MCRS1: variants seen among roughly 807,000 people sequenced by gnomAD.
MCRS1 encodes the protein 58 kDa microspherule protein.
In MCRS1, 22 loss-of-function variants were observed where a neutral mutation model predicts 62.9. The ratio of observed to expected loss-of-function variants is 0.35; its 90% CI spans 0.25 to 0.50. The LOEUF is 0.50. Ranked by LOEUF, MCRS1 falls within the 20% of genes least tolerant of loss-of-function variation. The pLI is 0.98. For missense variants in MCRS1, 456 were observed against 601.1 expected, an observed-to-expected ratio of 0.76 and a Z score of 2.52; for synonymous variants, 244 against 233.5, an observed-to-expected ratio of 1.04 and a Z score of -0.41.
rs1565788666 is a variant in MCRS1, at chr12:49,560,233, C to A, written c.881+62G>T. The A allele has an allele frequency of 3.2e-6, 5 of 1,556,468 alleles. No homozygotes were observed. The East Asian group carries it at 9.0e-5, about 28-fold the overall frequency. ...AGGGCTGGGGCTGGGCAGCCTGGGG[C>A]GCTCTACCTGACAGGAGTGACTCGG... On this transcript the variant is annotated intron_variant, in intron 9 of 14. Transcript: ENST00000343810.
In MCRS1 at chr12:49,565,712, T is replaced by G. The variant is rs374353372; in HGVS notation, c.150-45A>C. ...GTGAACACTCCTTACCCCACCCTGG[T>G]ACCCATTCACACACCCCCAGCCCCC... On this transcript the variant is annotated intron_variant, in intron 3 of 14. Transcript: ENST00000343810. 2.4e-5 allele frequency: 39 copies of G among 1,613,624 alleles called. No individual in the cohort carries two copies. The African/African-American group carries it at 3.9e-4, about 16-fold the overall frequency.
chr12:49,560,430 G>A (rs888940277), intron 8 of MCRS1, 60 bp from the exon 9 acceptor site: 123 of 1,514,154 alleles, frequency 8.1e-5, no homozygotes, highest in African/African-American at 1.1e-4. Context: ...GATGCTGAGC[G>A]GACCACTAAG....
rs1016622662 is a variant in MCRS1 at position 49,558,600 on chromosome 12, G to A, written c.*43C>T. 1 of 1,593,554 alleles carries A rather than the reference G, an allele frequency of 6.3e-7. No homozygotes were observed. Among genetic ancestry groups the A allele is most frequent in the African/African-American group, 1.3e-5 (1 of 74,646 alleles). On this transcript the variant is annotated 3_prime_UTR_variant, in exon 15 of 15. Coordinates refer to ENST00000343810, the MANE Select transcript of MCRS1 (RefSeq NM_006337.5). ...CAGCTCAAGGGGGCTGGAGTGGCAG[G>A]GGAAACAGGCCGGAGAGGGCCCACG...
chr12:49,567,121 C>G (rs1432856023), intron 1 of MCRS1, among the ~76,000 whole-genome samples: 1 of 152,104 alleles, frequency 6.6e-6, no homozygotes, highest in Non-Finnish European at 1.5e-5. Flanking sequence ...ACTGGTATCT[C>G]CTAGGTTAAG....
chr12:49,563,986 C>G (rs1436806774), intron 6 of MCRS1, among the ~76,000 whole-genome samples: 1 of 152,210 alleles, frequency 6.6e-6, no homozygotes, highest in Non-Finnish European at 1.5e-5. Flanking sequence ...CAACCAAGCT[C>G]TGAAGACATT....
At chr12:49,565,476 G>A in intron 4 of MCRS1, 53 bp downstream of exon 4, 1 of 1,544,472 alleles carries the variant, frequency 6.5e-7, no homozygotes, top group Admixed American at 2.0e-5. Context: ...AGGTTCTGGG[G>A]AAACATGAAA....
At position 49,563,652 on chromosome 12, in the gene MCRS1, A is replaced by T. The variant is rs1370698225; in HGVS notation, c.558-106T>A. 6.4e-6 allele frequency: 5 copies of T among 784,068 alleles called. No individual in the cohort carries two copies. The African/African-American group carries it at 8.7e-5, about 14-fold the overall frequency. 48.6% of individuals were successfully genotyped at this position (784,068 alleles called of 1,614,324 possible). A position where few individuals can be genotyped will look rare whatever the true frequency, so the allele number is the denominator to read the frequency against. On this transcript the variant is annotated intron_variant, in intron 6 of 14. Coordinates refer to ENST00000343810, the MANE Select transcript of MCRS1 (RefSeq NM_006337.5). The stretch of plus-strand genomic sequence containing the variant: ...TACAGGCTTTTGAGATCCAGAACCT[A>T]GAGGCCAGGCCCTCATTAGGAAGGG...
intron 8 of MCRS1, among the ~76,000 whole-genome samples, chr12:49,562,399 G>T (rs1006959937): frequency 1.3e-5 from 2 of 152,214 alleles, no homozygotes; most frequent in African/African-American, 2.4e-5. Context: ...GTTGAGGCAA[G>T]AGGAAGTAGG....
chr12:49,558,863 T>G lies in MCRS1; in HGVS notation c.1282A>C (p.Ser428Arg). 6.2e-7 allele frequency: 1 copy of G among 1,613,150 alleles called. No individual in the cohort carries two copies. The highest frequency in any genetic ancestry group is 1.1e-5 in the South Asian group (1 of 91,082). Reference sequence around the variant, plus strand: ...CTCACCTCCACCACAGAGTTGTTGCTGAGGCGCCATTTGGAGCCACAGAGC... The same window carrying G: ...CTCACCTCCACCACAGAGTTGTTGCGGAGGCGCCATTTGGAGCCACAGAGC... ...PVLCGSKWRL[S>R]NNSVVEIASL... is the part of the protein sequence containing the mutation. Residue 428 changes from serine to arginine, a missense_variant, in exon 14 of 15, where the codon AGC becomes CGC. Ser to Arg is a moderately radical substitution (Grantham distance 110). This residue lies in a region of MCRS1 where 393 missense variants were observed against 523.5 expected (regional missense o/e 0.75). Transcript: ENST00000343810.
Position 49,565,649 on chromosome 12 carries a change from C to T in MCRS1, c.168G>A (p.Lys56=). 1.2e-6 allele frequency: 2 copies of T among 1,614,104 alleles called. No individual in the cohort carries two copies. Among genetic ancestry groups the T allele is most frequent in the East Asian group, 2.2e-5 (1 of 44,876 alleles). ...TGCTCTCCACCAGCTCATCATCGAA[C>T]TTCTTCCTCTTGATGAACCTGTAAA... The part of the protein sequence containing the change: ...RSSSRFIKRK[K]FDDELVESSL... Residue 56 remains lysine, a synonymous_variant, in exon 4 of 15, where the codon AAG becomes AAA. Coordinates refer to ENST00000343810, the MANE Select transcript of MCRS1 (RefSeq NM_006337.5).
intron 8 of MCRS1, among the ~76,000 whole-genome samples, chr12:49,561,593 T>C (rs1378381750): frequency 6.6e-6 from 1 of 152,258 alleles, no homozygotes; most frequent in Admixed American, 6.5e-5. Context: ...TGATAAGGCT[T>C]TTAGTTAACA....
intron 1 of MCRS1, among the ~76,000 whole-genome samples, chr12:49,567,068 C>T (rs1939102151): frequency 6.6e-6 from 1 of 152,204 alleles, no homozygotes; most frequent in African/African-American, 2.4e-5. Context: ...GAAAAGGGTG[C>T]AAACACATAC....
chr12:49,564,449 C>T (rs1333116746), intron 6 of MCRS1, 32 bp downstream of exon 6: 2 of 1,574,122 alleles, frequency 1.3e-6, no homozygotes, highest in East Asian at 2.3e-5. Context: ...TGTCCCAGTA[C>T]CTCCCCACTG....
chr12:49,563,307 T>C, intron 7 of MCRS1, 131 bp downstream of exon 7: 1 of 1,359,084 alleles, frequency 7.4e-7, no homozygotes, highest in Non-Finnish European at 1.0e-6. Flanking sequence ...CAAACGCCCC[T>C]GCCAATGTGC....
rs544600164 is a variant in MCRS1, at chr12:49,559,626, G to A, written c.1004-91C>T. 8.8e-6 allele frequency: 14 copies of A among 1,586,394 alleles called. No individual in the cohort carries two copies. Among genetic ancestry groups the A allele is most frequent in the Admixed American group, 6.8e-5 (4 of 59,066 alleles). ...GCAAGGTTTATAAGGGAAGGGGGTC[G>A]GGGCCTGGGAAACGAGGGTCTCCCC... On this transcript the variant is annotated intron_variant, in intron 11 of 14. Transcript: ENST00000343810. This position sits in a 1 kb window ranked among gnomAD's most constrained non-coding sequence, Gnocchi z 5.2.
At chr12:49,565,692 C>A in intron 3 of MCRS1, 25 bp from the exon 4 acceptor site, 1 of 1,614,054 alleles carries the variant, frequency 6.2e-7, no homozygotes. Context: ...GCCCAGTGAA[C>A]ACTCCTTACC....
Position 49,558,922 on chromosome 12 carries a change from C to A in MCRS1, c.1223G>T (p.Gly408Val), listed in dbSNP as rs758402620. The A allele has an allele frequency of 6.2e-7, 1 of 1,612,848 alleles. No homozygotes were observed. The highest frequency in any genetic ancestry group is 8.5e-7 in the Non-Finnish European group (1 of 1,180,006). Reference protein sequence around the residue: ...NNGDFFIANEGRRPIYIDGRP... With the variant: ...NNGDFFIANEVRRPIYIDGRP... ...TCCATCGATGTAGATGGGCCGTCGA[C>A]CCTCATTGGCAATGAAGAAATCACC... is the stretch of plus-strand genomic sequence containing the variant. Residue 408 changes from glycine (G) to valine (V), a missense_variant, in exon 14 of 15, where the codon GGT becomes GTT. Transcript: ENST00000343810.
At position 49,565,606 on chromosome 12, in the gene MCRS1, TAGA is replaced by T. The variant is rs995471086; in HGVS notation, c.208_210del (p.Ser70del). ...ACCCCACTGGCCCCCTTTGCCCGGGTAGAAGATTTTGCCAGGCTGCTCTCCACC... is the reference window on the plus strand; with the variant it reads ...ACCCCACTGGCCCCCTTTGCCCGGGTAGATTTTGCCAGGCTGCTCTCCACC... On this transcript the variant is annotated inframe_deletion, in exon 4 of 15. Transcript: ENST00000343810. 2.5e-6 allele frequency: 4 copies of T among 1,613,732 alleles called. No homozygotes were observed. The East Asian group carries it at 6.7e-5, about 27-fold the overall frequency.
Position 49,559,266 on chromosome 12 carries a change from A to C in MCRS1, c.1122T>G (p.Ile374Met). Residue 374 changes from isoleucine (I) to methionine (M), a missense_variant, in exon 13 of 15, where the codon ATT becomes ATG. By Grantham distance (10) the Ile-to-Met change is conservative (BLOSUM62 1). Transcript: ENST00000343810. The surrounding 1 kb of genome is among the most constrained non-coding windows in gnomAD (Gnocchi z 5.2). ...TLGRATKDNQ[I>M]DVDLSLEGPA... ...GACCCTCCAGAGACAGGTCCACATC[A>C]ATCTGGTTATCCTTGGTTGCTCTGC... is the stretch of plus-strand genomic sequence containing the variant. 6.2e-7 allele frequency: 1 copy of C among 1,614,116 alleles called. No homozygotes were observed. The highest frequency in any genetic ancestry group is 8.5e-7 in the Non-Finnish European group (1 of 1,180,010).
Sources: allele counts gnomAD v4.1 joint callset (sites outside exome capture counted in the v4.1 genomes callset), GRCh38; gene constraint gnomAD v4.1.1; regional missense constraint gnomAD v4.1.1; non-coding constraint Gnocchi (gnomAD v3.1); transcripts MANE v1.5; gene names NCBI Gene and HGNC (gene_info 2026-07-23, HGNC 2026-07-21).